The following RERE variants were observed in gnomAD, a reference collection of about 807,000 sequenced individuals.
RERE encodes arginine-glutamic acid dipeptide repeats protein.
A neutral mutation model predicts 146.1 loss-of-function variants in RERE; 40 were observed. The ratio of observed to expected loss-of-function variants is 0.27; its 90% CI spans 0.21 to 0.36. The LOEUF is 0.36. RERE is among the 10% of genes least tolerant of loss of function. RERE has a pLI of 1.00. For synonymous variants in RERE, 1,003 were observed against 866.0 expected, an observed-to-expected ratio of 1.16 and a Z score of -2.78; for missense variants, 1,933 against 2,138.7, an observed-to-expected ratio of 0.90 and a Z score of 1.90.
intron 10 of RERE, among the ~76,000 whole-genome samples, chr1:8,475,802 AT>A (rs1395596725): frequency 6.6e-6 from 1 of 152,228 alleles, no homozygotes; most frequent in East Asian, 1.9e-4. Context: ...TATATGAAAC[AT>A]GTAAATGTTA....
rs757799599 is a variant in RERE at position 8,628,024 on chromosome 1, G to A, written c.326-3644C>T. 2.6e-5 allele frequency among the ~76,000 whole-genome samples: 4 copies of A among 152,110 alleles called. No individual in the cohort carries two copies. In the South Asian group the frequency reaches 6.2e-4, roughly 24 times the overall value. ...ATAAGCATGAGAGAGATCCTCAACCGGACATACGGAATGACCACTGTTACT... is the reference window on the plus strand; with the variant it reads ...ATAAGCATGAGAGAGATCCTCAACCAGACATACGGAATGACCACTGTTACT... On this transcript the variant is annotated intron_variant, in intron 2 of 22. Transcript: ENST00000400908.
intron 1 of RERE, among the ~76,000 whole-genome samples, chr1:8,701,318 A>G (rs1460483561): frequency 5.8e-5 from 3 of 51,440 alleles, no homozygotes; most frequent in Non-Finnish European, 1.3e-4. Context: ...ACACACACAC[A>G]CACACGCACA....
chr1:8,780,186 C>A (rs1455597075), intron 1 of RERE, among the ~76,000 whole-genome samples: 1 of 152,182 alleles, frequency 6.6e-6, no homozygotes, highest in East Asian at 1.9e-4. Context: ...TGACCTGTAC[C>A]TTGGGGTAAA....
At chr1:8,546,205 T>C (rs892169307) in intron 6 of RERE, among the ~76,000 whole-genome samples, 26 of 151,322 alleles carry the variant, frequency 1.7e-4, no homozygotes, top group African/African-American at 6.3e-4. Flanking sequence ...GGTCTCAGAC[T>C]CCTGGGCTCA....
intron 1 of RERE, among the ~76,000 whole-genome samples, chr1:8,693,700 G>C (rs1259691623): frequency 2.0e-5 from 3 of 152,062 alleles, no homozygotes; most frequent in African/African-American, 7.3e-5. Flanking sequence ...CAAAACCCAT[G>C]GAATGTATAA....
At chr1:8,400,411 C>T (rs1643210185) in intron 12 of RERE, among the ~76,000 whole-genome samples, 1 of 152,032 alleles carries the variant, frequency 6.6e-6, no homozygotes, top group Non-Finnish European at 1.5e-5. Flanking sequence ...GCCACCATGG[C>T]CGGCTAATAT....
chr1:8,550,105 A>T (rs555854297), intron 6 of RERE, among the ~76,000 whole-genome samples: 2 of 152,346 alleles, frequency 1.3e-5, no homozygotes, highest in Admixed American at 6.5e-5. Flanking sequence ...GTTGTAGAAG[A>T]AGTTCACATT....
At chr1:8,525,800 T>C (rs901630044) in intron 7 of RERE, 1 of 1,595,662 alleles carries the variant, frequency 6.3e-7, no homozygotes, top group African/African-American at 1.4e-5. Flanking sequence ...ACACGGGCTC[T>C]GGTGAGTCTA....
chr1:8,365,966 C>T lies in RERE; in HGVS notation c.1293G>A (p.Leu431=). ...ELLPNKETGE[L]ITFYYYWKKT... ...TCTTCCAATAGTAATAGAAGGTGATCAGCTCCCCCTGCAGAAGAGAAGGGC... is the reference window on the plus strand; with the variant it reads ...TCTTCCAATAGTAATAGAAGGTGATTAGCTCCCCCTGCAGAAGAGAAGGGC... Residue 431 remains leucine (L), a synonymous_variant, in exon 13 of 23, where the codon CTG becomes CTA. Coordinates refer to ENST00000400908, the MANE Select transcript of RERE (RefSeq NM_001042681.2). 6.2e-7 allele frequency: 1 copy of T among 1,613,278 alleles called. No homozygotes were observed. The highest frequency in any genetic ancestry group is 1.1e-5 in the South Asian group (1 of 91,030).
In RERE at chr1:8,360,174, T is replaced by C. The variant is rs775570348; in HGVS notation, c.3333A>G (p.Pro1111=). The C allele has an allele frequency of 5.0e-6, 8 of 1,599,120 alleles. No individual in the cohort carries two copies. Among genetic ancestry groups the C allele is most frequent in the Non-Finnish European group, 6.8e-6 (8 of 1,173,586 alleles). Residue 1111 remains proline, a synonymous_variant, in exon 18 of 23, where the codon CCA becomes CCG. Transcript: ENST00000400908. ...AEEPESPPPP[P]RSPSPEPTVV... The stretch of plus-strand genomic sequence containing the variant: ...CAGTGGGCTCCGGGGACGGGCTCCT[T>C]GGTGGGGGAGGGGGGCTCTCAGGCT...
chr1:8,735,761 G>A (rs573752552), intron 1 of RERE, among the ~76,000 whole-genome samples: 1 of 151,960 alleles, frequency 6.6e-6, no homozygotes, highest in African/African-American at 2.4e-5. Flanking sequence ...AGCACCTTCC[G>A]CCTCTCTTCC....
intron 1 of RERE, among the ~76,000 whole-genome samples, chr1:8,798,879 A>G (rs1464726472): frequency 6.6e-6 from 1 of 151,836 alleles, no homozygotes; most frequent in Non-Finnish European, 1.5e-5. Context: ...TTTAGTAGAC[A>G]TGGGGTTTCA....
chr1:8,516,001 G>A (rs566621366), intron 7 of RERE, among the ~76,000 whole-genome samples: 3 of 151,900 alleles, frequency 2.0e-5, no homozygotes, highest in East Asian at 1.9e-4. Flanking sequence ...CAGGTTACCC[G>A]AGGTCAGGAG....
chr1:8,676,025 G>A (rs1373960945), intron 1 of RERE, among the ~76,000 whole-genome samples: 2 of 152,028 alleles, frequency 1.3e-5, no homozygotes, highest in African/African-American at 2.4e-5. Context: ...GACTCTTAAG[G>A]TTTACACTAT....
intron 4 of RERE, among the ~76,000 whole-genome samples, chr1:8,559,280 CAAAAAAAAAAAAAA>C (rs548075266): frequency 8.3e-5 from 1 of 12,086 alleles, no homozygotes; most frequent in African/African-American, 2.7e-4. Flanking sequence ...AACTCCAGCT[CAAAAAAAAAAAAAA>C]AAAAAAAAAA....
At chr1:8,779,423 G>A (rs1165531138) in intron 1 of RERE, among the ~76,000 whole-genome samples, 1 of 151,966 alleles carries the variant, frequency 6.6e-6, no homozygotes, top group African/African-American at 2.4e-5. Flanking sequence ...AGCACTTTGG[G>A]AGGCAAGGTG....
intron 1 of RERE, among the ~76,000 whole-genome samples, chr1:8,762,961 TCA>T (rs1365767142): frequency 6.6e-6 from 1 of 152,030 alleles, no homozygotes; most frequent in African/African-American, 2.4e-5. Context: ...AAAAAAATTA[TCA>T]CAGTCCCTCA....
chr1:8,682,174 C>T (rs1234549529), intron 1 of RERE, among the ~76,000 whole-genome samples: 1 of 152,156 alleles, frequency 6.6e-6, no homozygotes, highest in Non-Finnish European at 1.5e-5. Flanking sequence ...GAGATGAAGT[C>T]TGCTTAGTAA....
intron 12 of RERE, among the ~76,000 whole-genome samples, chr1:8,408,656 T>C (rs1399015937): frequency 2.0e-5 from 3 of 152,166 alleles, no homozygotes; most frequent in Non-Finnish European, 4.4e-5. Flanking sequence ...CACAAATGCC[T>C]ACTTGGAACA....
Sources: gnomAD v4.1 joint callset for allele counts (sites outside exome capture counted in the v4.1 genomes callset) on GRCh38, gnomAD v4.1.1 for gene constraint, MANE v1.5 for transcripts, NCBI Gene and HGNC (gene_info 2026-07-23, HGNC 2026-07-21) for gene names.